Variants in COBL observed in about 807,000 individuals in gnomAD.
The protein encoded by COBL is cordon-bleu WH2 repeat protein.
COBL carries 51 observed loss-of-function variants against 98.8 expected under a neutral mutation model. The observed-to-expected ratio is 0.52, with a 90% CI of 0.41 to 0.65. The LOEUF (loss-of-function observed/expected upper bound fraction) is 0.65, where lower values mean the gene tolerates loss of function less well. COBL is among the 30% of genes least tolerant of loss of function. The pLI is 0.00. For synonymous variants in COBL, 634 were observed against 651.7 expected (o/e 0.97, Z 0.41); for missense variants, 1,617 against 1,617.5 (o/e 1.00, Z 0.01).
chr7:51,063,667 G>A (rs1027289262), intron 7 of COBL, among the ~76,000 whole-genome samples: 1 of 152,196 alleles, frequency 6.6e-6, no homozygotes, highest in African/African-American at 2.4e-5. Flanking sequence ...GCAAGAAGCA[G>A]CTAGTATGCA....
intron 1 of COBL, among the ~76,000 whole-genome samples, chr7:51,223,047 C>T (rs1172076603): frequency 6.6e-6 from 1 of 152,250 alleles, no homozygotes; most frequent in East Asian, 1.9e-4. Flanking sequence ...GAATCACATA[C>T]GGTGTGTACT....
intron 5 of COBL, among the ~76,000 whole-genome samples, chr7:51,141,173 G>A (rs1008858632): frequency 6.6e-6 from 1 of 151,568 alleles, no homozygotes; most frequent in South Asian, 2.1e-4. Flanking sequence ...TTTCTCAAAG[G>A]TGTCCATCCT....
chr7:51,251,168 C>T (rs946507492), intron 1 of COBL, among the ~76,000 whole-genome samples: 2 of 152,052 alleles, frequency 1.3e-5, no homozygotes, highest in African/African-American at 4.8e-5. Flanking sequence ...GGACCGGGGT[C>T]GAACCTGCAA....
At chr7:51,190,574 A>G (rs1323351783) in intron 4 of COBL, among the ~76,000 whole-genome samples, 1 of 152,062 alleles carries the variant, frequency 6.6e-6, no homozygotes, top group Non-Finnish European at 1.5e-5. Context: ...ATCTCACCTC[A>G]CCTTTTCCCC....
At chr7:51,034,622 A>G (rs1788453784) in intron 8 of COBL, 2 of 152,204 alleles carry the variant, frequency 1.3e-5, no homozygotes, top group African/African-American at 4.8e-5. Context: ...CTCTTTGCAA[A>G]ACCACCAGAT....
intron 11 of COBL, among the ~76,000 whole-genome samples, chr7:51,026,139 T>C (rs994390969): frequency 6.6e-6 from 1 of 152,200 alleles, no homozygotes; most frequent in Non-Finnish European, 1.5e-5. Context: ...CCATACTGGC[T>C]CCCAAGGATG....
At chr7:51,286,467 TTAAAA>T (rs1284404601) in intron 1 of COBL, among the ~76,000 whole-genome samples, 4 of 150,874 alleles carry the variant, frequency 2.7e-5, no homozygotes, top group African/African-American at 9.7e-5. Context: ...CAGATACTTC[TTAAAA>T]TAAAATATCC....
At chr7:51,301,908 T>A (rs1449685558) in intron 1 of COBL, among the ~76,000 whole-genome samples, 7 of 152,132 alleles carry the variant, frequency 4.6e-5, no homozygotes. Flanking sequence ...ATTTTACATT[T>A]TATCTAGTTT....
chr7:51,162,189 A>C (rs1786887855), intron 5 of COBL, among the ~76,000 whole-genome samples: 1 of 152,162 alleles, frequency 6.6e-6, no homozygotes. Context: ...TCACAGCTAC[A>C]CAGGCTGAGT....
At chr7:51,299,427 C>T (rs906251133) in intron 1 of COBL, among the ~76,000 whole-genome samples, 1 of 152,244 alleles carries the variant, frequency 6.6e-6, no homozygotes, top group Non-Finnish European at 1.5e-5. Context: ...CTATCTGTCT[C>T]TCTTTCTTCC....
chr7:51,310,632 G>C (rs1010697235), intron 1 of COBL, among the ~76,000 whole-genome samples: 1 of 152,102 alleles, frequency 6.6e-6, no homozygotes, highest in African/African-American at 2.4e-5. Flanking sequence ...TGACTTACCT[G>C]GTTTATCTTT....
chr7:51,057,516 G>A lies in COBL; in HGVS notation c.1097-13824C>T, dbSNP rs117180993. On this transcript the variant is annotated intron_variant, in intron 7 of 12. Transcript: ENST00000265136. ...GATTTTTCTCTAGAGCTCCCCTCCC[G>A]TAGTCCAGCCTGCCTTGGCACTGTG... Among the ~76,000 whole-genome samples the A allele has an allele frequency of 1.1e-3, 172 of 152,140 alleles. 1 individual carries two copies. In the East Asian group the frequency reaches 0.028, roughly 25 times the overall value.
At chr7:51,237,550 A>AC (rs1795381605) in intron 1 of COBL, among the ~76,000 whole-genome samples, 2 of 151,636 alleles carry the variant, frequency 1.3e-5, no homozygotes, top group East Asian at 1.9e-4. Context: ...AAAAAAAAAA[A>AC]AAAAAACTTC....
chr7:51,272,932 T>A (rs1298701163), intron 1 of COBL, among the ~76,000 whole-genome samples: 2 of 151,404 alleles, frequency 1.3e-5, no homozygotes, highest in African/African-American at 4.9e-5. Context: ...TGCGTTTTCA[T>A]CTATGGAACA....
At chr7:51,262,508 A>G (rs565018275) in intron 1 of COBL, among the ~76,000 whole-genome samples, 2 of 152,342 alleles carry the variant, frequency 1.3e-5, no homozygotes, top group East Asian at 3.9e-4. Context: ...TGAGACCCTC[A>G]GGGAAAATGG....
intron 2 of COBL, among the ~76,000 whole-genome samples, chr7:51,197,210 G>A (rs560545679): frequency 2.0e-5 from 3 of 152,206 alleles, no homozygotes; most frequent in East Asian, 3.9e-4. Flanking sequence ...CAGAGATTCT[G>A]GTATGTTGTA....
intron 1 of COBL, among the ~76,000 whole-genome samples, chr7:51,292,099 A>G (rs1263613701): frequency 6.6e-6 from 1 of 151,064 alleles, no homozygotes; most frequent in African/African-American, 2.4e-5. Context: ...GTGAGCCGAG[A>G]TTGTGCCACT....
chr7:51,269,866 G>A (rs1260215776), intron 1 of COBL, among the ~76,000 whole-genome samples: 1 of 152,178 alleles, frequency 6.6e-6, no homozygotes, highest in African/African-American at 2.4e-5. Flanking sequence ...CCAGACTGAG[G>A]ACGTGGCAGG....
At chr7:51,136,858 G>A (rs147893764) in intron 5 of COBL, among the ~76,000 whole-genome samples, 1 of 152,318 alleles carries the variant, frequency 6.6e-6, no homozygotes, top group Admixed American at 6.5e-5. Flanking sequence ...GCAGTATGCT[G>A]TGAAGACTGT....
Sources: allele counts gnomAD v4.1 joint callset (sites outside exome capture counted in the v4.1 genomes callset), GRCh38; gene constraint gnomAD v4.1.1; transcripts MANE v1.5; gene names NCBI Gene and HGNC (gene_info 2026-07-23, HGNC 2026-07-21).